Variants in MRC2 observed in about 807,000 individuals in gnomAD.
MRC2 encodes the protein mannose receptor C-type 2.
In MRC2, 84 loss-of-function variants were observed where a neutral mutation model predicts 206.2. That is an observed-to-expected ratio of 0.41 (90% CI 0.34 to 0.49). The LOEUF is 0.49. MRC2 is among the 20% of genes least tolerant of loss of function. The pLI, the probability that MRC2 is intolerant of heterozygous loss-of-function variation, is 0.31. For synonymous variants in MRC2, 798 were observed against 800.0 expected (o/e 1.00, Z 0.04); for missense variants, 1,676 against 2,001.5 (o/e 0.84, Z 3.10).
intron 9 of MRC2, among the ~76,000 whole-genome samples, chr17:62,674,855 G>GCTTGGCC (rs2088871682): frequency 6.6e-6 from 1 of 152,094 alleles, no homozygotes; most frequent in Admixed American, 6.5e-5. Context: ...AAAAGACACT[G>GCTTGGCC]CTTGGCCCTT....
intron 1 of MRC2, among the ~76,000 whole-genome samples, chr17:62,663,440 C>G (rs868623126): frequency 2.0e-5 from 3 of 152,088 alleles, no homozygotes; most frequent in Non-Finnish European, 4.4e-5. Flanking sequence ...AGAACATTTT[C>G]GTCATATCCC....
intron 20 of MRC2, among the ~76,000 whole-genome samples, chr17:62,685,388 G>T (rs1407472416): frequency 1.3e-5 from 2 of 151,940 alleles, no homozygotes; most frequent in African/African-American, 2.4e-5. Flanking sequence ...CATATTTTGA[G>T]CATCTCTCAT....
chr17:62,661,314 G>T (rs1189607807), intron 1 of MRC2, among the ~76,000 whole-genome samples: 2 of 152,008 alleles, frequency 1.3e-5, no homozygotes, highest in African/African-American at 4.8e-5. Context: ...TGTTGTTGTT[G>T]TTTTTTTCCC....
Position 62,672,205 on chromosome 17 carries a change from A to G in MRC2, c.1461+53A>G, listed in dbSNP as rs979710998. On this transcript the variant is annotated intron_variant, in intron 8 of 29. Coordinates refer to ENST00000303375, the MANE Select transcript of MRC2 (RefSeq NM_006039.5). This position sits in a 1 kb window ranked among gnomAD's most constrained non-coding sequence, Gnocchi z 4.5. Reference sequence around the variant, plus strand: ...GCCACAAAATACACCCCCAACCTCCAGGTGCCACCCCAGCTGAAGGACATC... The same window carrying G: ...GCCACAAAATACACCCCCAACCTCCGGGTGCCACCCCAGCTGAAGGACATC... 6.2e-7 allele frequency: 1 copy of G among 1,604,894 alleles called. No individual in the cohort carries two copies. The highest frequency in any genetic ancestry group is 8.5e-7 in the Non-Finnish European group (1 of 1,173,042).
chr17:62,627,764 G>A lies in MRC2; in HGVS notation c.-39G>A, dbSNP rs984464835. ...CTGCCACAGCGCGTTGCGCCTGTGC[G>A]CCCTCGGTCCCCGCGTCCACTGAGC... On this transcript the variant is annotated 5_prime_UTR_variant, in exon 1 of 30. Transcript: ENST00000303375. 4 of 1,352,874 alleles carry A rather than the reference G, an allele frequency of 3.0e-6. No homozygotes were observed. Among genetic ancestry groups the A allele is most frequent in the Non-Finnish European group, 3.8e-6 (4 of 1,055,990 alleles). 83.8% of individuals were successfully genotyped at this position (1,352,874 alleles called of 1,614,324 possible). A position where few individuals can be genotyped will look rare whatever the true frequency, so the allele number is the denominator to read the frequency against.
rs938317752 is a variant in MRC2, at chr17:62,664,295, C to T, written c.119-253C>T. On this transcript the variant is annotated intron_variant, in intron 1 of 29. Transcript: ENST00000303375. This position sits in a 1 kb window ranked among gnomAD's most constrained non-coding sequence, Gnocchi z 4.7. ...TTGAGGGTGGTACAGAGGACTGAGT[C>T]CTCCCTCCTGGTGAGCAGGGGCTAG... Among the ~76,000 whole-genome samples, 3 of 152,120 alleles carry T rather than the reference C, an allele frequency of 2.0e-5. No individual in the cohort carries two copies. Among genetic ancestry groups the T allele is most frequent in the Non-Finnish European group, 4.4e-5 (3 of 68,016 alleles).
Position 62,627,930 on chromosome 17 carries a change from T to TGCCAACTTG in MRC2, c.118+19_118+27dup, listed in dbSNP as rs1416659579. 9.6e-5 allele frequency: 137 copies of TGCCAACTTG among 1,425,498 alleles called. No homozygotes were observed. The highest frequency in any genetic ancestry group is 1.1e-4 in the Non-Finnish European group (124 of 1,099,060). The allele number at this position is 1,425,498 out of a possible 1,614,324, so 88.3% of individuals were successfully genotyped here. A position where few individuals can be genotyped will look rare whatever the true frequency, so the allele number is the denominator to read the frequency against. On this transcript the variant is annotated intron_variant, in intron 1 of 29. Coordinates refer to ENST00000303375, the MANE Select transcript of MRC2 (RefSeq NM_006039.5). ...GACGCCGCCCTCCCGGGTAAGGCGCTGCCAACTTGGCCAACTTCAGGGCCC... is the reference window on the plus strand; with the variant it reads ...GACGCCGCCCTCCCGGGTAAGGCGCTGCCAACTTGGCCAACTTGGCCAACTTCAGGGCCC...
Position 62,652,080 on chromosome 17 carries a change from A to G in MRC2, c.119-12468A>G, listed in dbSNP as rs905583049. Among the ~76,000 whole-genome samples the G allele has an allele frequency of 1.3e-5, 2 of 152,196 alleles. No individual in the cohort carries two copies. Among genetic ancestry groups the G allele is most frequent in the East Asian group, 1.9e-4 (1 of 5,200 alleles). ...TTCTGCTGACTCTTCAATGAACCAG[A>G]GGGGCACGTGTAATATTTCCGCTTT... On this transcript the variant is annotated intron_variant, in intron 1 of 29. Transcript: ENST00000303375. This position sits in a 1 kb window ranked among gnomAD's most constrained non-coding sequence, Gnocchi z 4.6.
At chr17:62,679,947 G>A (rs765754711) in intron 14 of MRC2, 45 bp downstream of exon 14, 1 of 1,557,436 alleles carries the variant, frequency 6.4e-7, no homozygotes, top group African/African-American at 1.4e-5. Flanking sequence ...CGGGAGCTTG[G>A]TGGGCGGGGC....
intron 1 of MRC2, among the ~76,000 whole-genome samples, chr17:62,641,830 CCCATATACT>C (rs2088407868): frequency 3.3e-5 from 5 of 152,198 alleles, no homozygotes; most frequent in Admixed American, 3.3e-4. Context: ...ACAGTGGGCA[CCCATATACT>C]CTTCACCTAG....
Position 62,666,807 on chromosome 17 carries a change from G to A in MRC2, c.910G>A (p.Asp304Asn), listed in dbSNP as rs1226510286. Residue 304 changes from aspartate to asparagine, a missense_variant, in exon 5 of 30, where the codon GAC becomes AAC. Coordinates refer to ENST00000303375, the MANE Select transcript of MRC2 (RefSeq NM_006039.5). This position sits in a 1 kb window ranked among gnomAD's most constrained non-coding sequence, Gnocchi z 5.0. ...STLWIGLNDLDTSGGWQWSDN... is the reference protein window; with the variant it reads ...STLWIGLNDLNTSGGWQWSDN... ...CCTGTGGATCGGCTTGAATGACTTGGACACGAGCGGAGGCTGGCAGTGGTC... is the reference window on the plus strand; with the variant it reads ...CCTGTGGATCGGCTTGAATGACTTGAACACGAGCGGAGGCTGGCAGTGGTC... The A allele has an allele frequency of 1.9e-6, 3 of 1,613,700 alleles. No individual in the cohort carries two copies.
intron 1 of MRC2, among the ~76,000 whole-genome samples, chr17:62,648,957 C>T (rs1256368452): frequency 3.9e-5 from 6 of 152,226 alleles, no homozygotes; most frequent in Admixed American, 6.5e-5. Context: ...CCTTCCATTA[C>T]TCTGTGCTCC....
At position 62,674,141 on chromosome 17, in the gene MRC2, G is replaced by C; in HGVS notation, c.1540G>C (p.Ala514Pro). 1 of 1,553,452 alleles carries C rather than the reference G, an allele frequency of 6.4e-7. No individual in the cohort carries two copies. Among genetic ancestry groups the C allele is most frequent in the African/African-American group, 1.4e-5 (1 of 73,346 alleles). The change falls in exon 9 of 30, where the codon GCC (alanine) becomes CCC (proline). Residue 514 changes from alanine (A) to proline (P), a missense_variant. Transcript: ENST00000303375. ...CKKAGQLSQG[A>P]AEEDHGCRKG... ...GAAGGCAGGCCAGCTGAGCCAGGGG[G>C]CCGCCGAGGAGGACCATGGCTGCCG...
In MRC2 at chr17:62,680,877, C is replaced by T; in HGVS notation, c.2551C>T (p.Arg851Cys). The T allele has an allele frequency of 6.2e-7, 1 of 1,613,044 alleles. No individual in the cohort carries two copies. The change falls in exon 17 of 30, where the codon CGC (arginine) becomes TGC (cysteine). Residue 851 changes from arginine (R) to cysteine (C), a missense_variant. By Grantham distance (180) the Arg-to-Cys change is radical. Around this residue, in one of 3 missense-constraint regions of MRC2, gnomAD observed 1,354 missense variants for 1,636.6 expected, o/e 0.83. Coordinates refer to ENST00000303375, the MANE Select transcript of MRC2 (RefSeq NM_006039.5). The surrounding 1 kb of genome is among the most constrained non-coding windows in gnomAD (Gnocchi z 4.8). ...EHHSTWAQAQ[R>C]ICTWFQAELT... is the part of the protein sequence containing the mutation. ...CCACTCCACGTGGGCGCAGGCGCAG[C>T]GCATCTGCACGTGGTTCCAGGCCGA... is the stretch of plus-strand genomic sequence containing the variant.
chr17:62,683,116 G>A (rs1249619488), intron 20 of MRC2, among the ~76,000 whole-genome samples: 2 of 152,100 alleles, frequency 1.3e-5, no homozygotes, highest in African/African-American at 4.8e-5. Context: ...AGTAAAATAT[G>A]TATAAGAACA....
rs777999565 is a variant in MRC2 at position 62,676,486 on chromosome 17, A to G, written c.1789A>G (p.Ser597Gly). 3.1e-6 allele frequency: 5 copies of G among 1,612,590 alleles called. No homozygotes were observed. In the African/African-American group the frequency reaches 5.3e-5, roughly 17 times the overall value. The change falls in exon 11 of 30, where the codon AGT (serine) becomes GGT (glycine). Residue 597 changes from serine to glycine, a missense_variant. By Grantham distance (56) the Ser-to-Gly change is moderately conservative. This residue lies in a region of MRC2 where 1,354 missense variants were observed against 1,636.6 expected (regional missense o/e 0.83). Transcript: ENST00000303375. ...LNSTGSFFWL[S>G]GDEVMYTHWN... ...CAGCACCGGCTCCTTCTTCTGGCTC[A>G]GTGGGGATGAAGTCATGTACACCCA... is the stretch of plus-strand genomic sequence containing the variant.
At chr17:62,687,499 A>G (rs1471314309) in intron 20 of MRC2, among the ~76,000 whole-genome samples, 3 of 152,196 alleles carry the variant, frequency 2.0e-5, no homozygotes, top group African/African-American at 7.2e-5. Context: ...CTGAGCAGAA[A>G]ATCATTAGAT....
chr17:62,682,075 G>C, intron 19 of MRC2, 138 bp downstream of exon 19: 1 of 1,086,970 alleles, frequency 9.2e-7, no homozygotes, highest in Middle Eastern at 2.1e-4. Flanking sequence ...AGCGAGGGGT[G>C]GACCTGTCTC....
chr17:62,658,481 C>G (rs2088643737), intron 1 of MRC2, among the ~76,000 whole-genome samples: 1 of 152,184 alleles, frequency 6.6e-6, no homozygotes, highest in African/African-American at 2.4e-5. Context: ...AATCCCGTCC[C>G]CTTTCTGGAC....
Sources: allele counts gnomAD v4.1 joint callset (sites outside exome capture counted in the v4.1 genomes callset), GRCh38; gene constraint gnomAD v4.1.1; regional missense constraint gnomAD v4.1.1; non-coding constraint Gnocchi (gnomAD v3.1); transcripts MANE v1.5; gene names NCBI Gene and HGNC (gene_info 2026-07-23, HGNC 2026-07-21).